DHRS12: variants seen among roughly 807,000 people sequenced by gnomAD.
DHRS12 encodes the protein dehydrogenase/reductase 12.
DHRS12 carries 29 observed loss-of-function variants against 32.1 expected under a neutral mutation model. The observed-to-expected ratio is 0.90, with a 90% CI of 0.67 to 1.23. DHRS12 has a LOEUF of 1.23. Among genes scored for constraint, DHRS12 ranks in the 50% most tolerant of loss-of-function variants. DHRS12 has a pLI of 0.00. For synonymous variants in DHRS12, 150 were observed against 135.9 expected, an observed-to-expected ratio of 1.10 and a Z score of -0.72; for missense variants, 330 against 337.2, an observed-to-expected ratio of 0.98 and a Z score of 0.17.
intron 4 of DHRS12, among the ~76,000 whole-genome samples, chr13:51,784,165 G>A (rs763094747): frequency 6.6e-6 from 1 of 152,140 alleles, no homozygotes; most frequent in African/African-American, 2.4e-5. Flanking sequence ...GTGACTGAGC[G>A]CCTCCTGAGA....
At chr13:51,801,044 T>A (rs1354516475) in intron 1 of DHRS12, among the ~76,000 whole-genome samples, 1 of 152,176 alleles carries the variant, frequency 6.6e-6, no homozygotes, top group Non-Finnish European at 1.5e-5. Context: ...TCTTGTGTGT[T>A]GATTTAACCT....
At chr13:51,759,244 C>T in the DHRS12 span, among the ~76,000 whole-genome samples, 1 of 152,032 alleles carries the variant, frequency 6.6e-6, no homozygotes, top group African/African-American at 2.4e-5. Flanking sequence ...TTTTTGAAAA[C>T]GAGGTATCTT....
intron 6 of DHRS12, among the ~76,000 whole-genome samples, chr13:51,773,669 T>C (rs1052081471): frequency 2.6e-5 from 4 of 151,930 alleles, no homozygotes; most frequent in African/African-American, 4.8e-5. Flanking sequence ...CCTGCTAGGA[T>C]CCTGTTCTGT....
chr13:51,798,415 C>T (rs1180822147), intron 2 of DHRS12, among the ~76,000 whole-genome samples: 1 of 152,212 alleles, frequency 6.6e-6, no homozygotes. Flanking sequence ...CTCATATTAT[C>T]CCAGCAAATG....
At chr13:51,758,606 A>C in the DHRS12 span, among the ~76,000 whole-genome samples, 1 of 151,934 alleles carries the variant, frequency 6.6e-6, no homozygotes, top group East Asian at 1.9e-4. Flanking sequence ...TTGAGAACCT[A>C]TTACAAACCT....
the DHRS12 span, among the ~76,000 whole-genome samples, chr13:51,755,809 C>T: frequency 6.6e-6 from 1 of 152,162 alleles, no homozygotes; most frequent in Non-Finnish European, 1.5e-5. Context: ...TACTTTCCCT[C>T]CTTCTGATTA....
At chr13:51,768,878 G>GA (rs1399284364) in intron 8 of DHRS12, 6 of 1,372,306 alleles carry the variant, frequency 4.4e-6, no homozygotes, top group Admixed American at 3.4e-5. Context: ...AAACTGCAGA[G>GA]AAAATCTTCC....
At chr13:51,773,867 C>A in intron 6 of DHRS12, 63 bp downstream of exon 6, 1 of 1,413,594 alleles carries the variant, frequency 7.1e-7, no homozygotes, top group South Asian at 1.2e-5. Flanking sequence ...GTAAGCTTTC[C>A]TTGGAAAAGG....
At chr13:51,771,997 C>T in intron 6 of DHRS12, 86 bp from the exon 7 acceptor site, 1 of 1,325,464 alleles carries the variant, frequency 7.5e-7, no homozygotes, top group Non-Finnish European at 1.1e-6. Context: ...CCCAGCCTGG[C>T]TTATCTTACA....
At chr13:51,770,478 G>A (rs920664260) in intron 7 of DHRS12, among the ~76,000 whole-genome samples, 3 of 152,158 alleles carry the variant, frequency 2.0e-5, no homozygotes, top group Non-Finnish European at 4.4e-5. Flanking sequence ...GAGGCTGGGG[G>A]CCCCCCATGG....
downstream of DHRS12, chr13:51,767,404 C>CTGAT (rs745595184): frequency 6.6e-6 from 1 of 152,184 alleles, no homozygotes; most frequent in East Asian, 1.9e-4. Flanking sequence ...TGGTCCTTGG[C>CTGAT]TGATGATGAG....
chr13:51,755,264 C>T, the DHRS12 span: 1 of 1,171,936 alleles, frequency 8.5e-7, no homozygotes, highest in Non-Finnish European at 1.3e-6. Context: ...CTTTTAAACA[C>T]ATCCTGATAG....
chr13:51,801,019 T>A (rs1275137708), intron 1 of DHRS12, among the ~76,000 whole-genome samples: 1 of 152,186 alleles, frequency 6.6e-6, no homozygotes, highest in Non-Finnish European at 1.5e-5. Flanking sequence ...GCTCAGCCTC[T>A]TACTAGCTGT....
At chr13:51,781,551 C>T (rs560017314) in intron 4 of DHRS12, among the ~76,000 whole-genome samples, 17 of 152,080 alleles carry the variant, frequency 1.1e-4, no homozygotes, top group Admixed American at 3.3e-4. Context: ...GGGGGTGGGA[C>T]GGCGGGGGAG....
chr13:51,790,136 CA>C, intron 3 of DHRS12, 44 bp from the exon 4 acceptor site: 1 of 1,479,154 alleles, frequency 6.8e-7, no homozygotes, highest in African/African-American at 1.4e-5. Context: ...AAAATAGGGC[CA>C]AAAGACCTAT....
chr13:51,784,415 C>G (rs1052752495), intron 4 of DHRS12, among the ~76,000 whole-genome samples: 32 of 152,194 alleles, frequency 2.1e-4, no homozygotes, highest in African/African-American at 7.7e-4. Context: ...AGAGGTAGCA[C>G]TGCCAGTGCC....
intron 7 of DHRS12, chr13:51,771,167 G>T: frequency 6.5e-7 from 1 of 1,539,318 alleles, no homozygotes; most frequent in Non-Finnish European, 8.8e-7. Context: ...GCGTTAATCC[G>T]CAGACAGCGC....
At chr13:51,787,934 T>A (rs1182925021) in intron 4 of DHRS12, among the ~76,000 whole-genome samples, 1 of 20,246 alleles carries the variant, frequency 4.9e-5, no homozygotes, top group African/African-American at 1.5e-4. Context: ...TATATACTTA[T>A]ATATATAATT....
intron 4 of DHRS12, among the ~76,000 whole-genome samples, chr13:51,777,962 TAA>T (rs1473426354): frequency 3.9e-5 from 6 of 152,222 alleles, no homozygotes; most frequent in Non-Finnish European, 8.8e-5. Context: ...GTCAGGGGCT[TAA>T]AGTGGCGAGC....
Sources: allele counts gnomAD v4.1 joint callset (sites outside exome capture counted in the v4.1 genomes callset), GRCh38; gene constraint gnomAD v4.1.1; transcripts MANE v1.5; gene names NCBI Gene and HGNC (gene_info 2026-07-23, HGNC 2026-07-21).